Variants in SLC35F4 observed in about 807,000 individuals in gnomAD.
SLC35F4 encodes the protein chromosome 14 open reading frame 36.
A neutral mutation model predicts 44.2 loss-of-function variants in SLC35F4; 24 were observed. The ratio of observed to expected loss-of-function variants is 0.54; its 90% CI spans 0.39 to 0.76. SLC35F4 has a LOEUF of 0.76. Ranked by LOEUF, SLC35F4 falls within the 30% of genes least tolerant of loss-of-function variation. The pLI is 0.00. For synonymous variants in SLC35F4, 238 were observed against 223.6 expected (o/e 1.06, Z -0.57); for missense variants, 562 against 586.1 (o/e 0.96, Z 0.42).
intron 1 of SLC35F4, among the ~76,000 whole-genome samples, chr14:57,880,625 G>T (rs1480404234): frequency 6.6e-6 from 1 of 151,958 alleles, no homozygotes; most frequent in Non-Finnish European, 1.5e-5. Context: ...CAACATTTGG[G>T]CAATGACACT....
intron 1 of SLC35F4, among the ~76,000 whole-genome samples, chr14:57,636,262 C>A (rs759406819): frequency 2.6e-5 from 4 of 152,096 alleles, no homozygotes; most frequent in Non-Finnish European, 4.4e-5. Context: ...GTTTTCAGTA[C>A]GTTGGATTTG....
intron 6 of SLC35F4, among the ~76,000 whole-genome samples, chr14:57,567,432 C>CA (rs1237543178): frequency 1.3e-5 from 2 of 152,082 alleles, no homozygotes; most frequent in African/African-American, 4.8e-5. Context: ...TCTGCAGAAC[C>CA]AAAAAAAGTT....
At position 57,678,314 on chromosome 14, in the gene SLC35F4, G is replaced by A. The variant is rs373335219; in HGVS notation, c.104-84190C>T. Among the ~76,000 whole-genome samples the A allele has an allele frequency of 1.2e-4, 19 of 152,098 alleles. 1 individual carries two copies. The East Asian group carries it at 2.1e-3, about 17-fold the overall frequency. On this transcript the variant is annotated intron_variant, in intron 1 of 7. Transcript: ENST00000556826. ...AGAAATAAAATCCTTTACAGACAAG[G>A]AAATGCTGAGAGATTTTGTCACCAC...
At chr14:57,881,480 CTTA>C (rs1278995948) in intron 1 of SLC35F4, among the ~76,000 whole-genome samples, 1 of 152,058 alleles carries the variant, frequency 6.6e-6, no homozygotes, top group Non-Finnish European at 1.5e-5. Context: ...TGTTGTGCCT[CTTA>C]TATGTAAATG....
chr14:57,712,067 C>CA (rs747825568), intron 1 of SLC35F4, among the ~76,000 whole-genome samples: 24 of 152,182 alleles, frequency 1.6e-4, no homozygotes, highest in Non-Finnish European at 2.4e-4. Context: ...GGATTATTGT[C>CA]AATTGTCTCT....
At chr14:57,825,019 A>C (rs780766455) in intron 1 of SLC35F4, among the ~76,000 whole-genome samples, 20 of 152,116 alleles carry the variant, frequency 1.3e-4, no homozygotes, top group Non-Finnish European at 4.4e-5. Context: ...CAGGGGTAAA[A>C]AAAGACTTGA....
chr14:57,647,070 A>G (rs1205319541), intron 1 of SLC35F4, among the ~76,000 whole-genome samples: 3 of 152,202 alleles, frequency 2.0e-5, no homozygotes, highest in East Asian at 1.9e-4. Flanking sequence ...AATAGGTGTC[A>G]TGTGGTGCTG....
intron 1 of SLC35F4, among the ~76,000 whole-genome samples, chr14:57,965,481 A>G (rs1890422548): frequency 6.6e-6 from 1 of 152,168 alleles, no homozygotes; most frequent in Admixed American, 6.5e-5. Flanking sequence ...CTTTACATGT[A>G]AGATCACATA....
intron 1 of SLC35F4, among the ~76,000 whole-genome samples, chr14:57,940,727 A>C (rs1201728323): frequency 6.6e-6 from 1 of 152,072 alleles, no homozygotes; most frequent in Admixed American, 6.6e-5. Context: ...TTCTTCCATC[A>C]CAAGCAATGC....
chr14:57,609,136 A>T (rs886200347), intron 1 of SLC35F4, among the ~76,000 whole-genome samples: 1 of 152,230 alleles, frequency 6.6e-6, no homozygotes, highest in Non-Finnish European at 1.5e-5. Context: ...AGGGACAGAC[A>T]TGTATGCAGA....
chr14:57,704,512 C>T (rs964581087), intron 1 of SLC35F4, among the ~76,000 whole-genome samples: 1 of 152,012 alleles, frequency 6.6e-6, no homozygotes, highest in African/African-American at 2.4e-5. Context: ...CCTTTGAGGA[C>T]CCTATGGTTA....
intron 1 of SLC35F4, among the ~76,000 whole-genome samples, chr14:57,896,790 G>T (rs1888880787): frequency 6.6e-6 from 1 of 152,042 alleles, no homozygotes; most frequent in African/African-American, 2.4e-5. Flanking sequence ...ACAAATGTTT[G>T]TTTATGATTA....
chr14:57,747,395 A>G (rs945753717), intron 1 of SLC35F4, among the ~76,000 whole-genome samples: 8 of 152,186 alleles, frequency 5.3e-5, no homozygotes, highest in Non-Finnish European at 8.8e-5. Context: ...TGTCTTAAGT[A>G]TATTACTAAG....
chr14:57,741,554 G>T (rs2076609091), intron 1 of SLC35F4, among the ~76,000 whole-genome samples: 1 of 152,142 alleles, frequency 6.6e-6, no homozygotes, highest in Non-Finnish European at 1.5e-5. Flanking sequence ...AGAGTAAAAA[G>T]AAATGAACAA....
At chr14:57,611,591 A>AAC (rs59957129) in intron 1 of SLC35F4, among the ~76,000 whole-genome samples, 44,165 of 151,292 alleles carry the variant, frequency 0.29, 7,742 homozygotes, top group Middle Eastern at 0.38. Context: ...GAGTTAAAAA[A>AAC]AAAAAAACAA....
At chr14:57,914,191 A>G (rs1200639498) in intron 1 of SLC35F4, among the ~76,000 whole-genome samples, 1 of 152,208 alleles carries the variant, frequency 6.6e-6, no homozygotes, top group Non-Finnish European at 1.5e-5. Context: ...GTCACAGGTC[A>G]TCCCGTGGTG....
chr14:57,731,872 G>A (rs1455402008), intron 1 of SLC35F4, among the ~76,000 whole-genome samples: 1 of 152,150 alleles, frequency 6.6e-6, no homozygotes, highest in Admixed American at 6.5e-5. Flanking sequence ...AAAGCTACAA[G>A]TCTGCAGATA....
At chr14:57,757,542 ATTTGTT>A (rs1357310122) in intron 1 of SLC35F4, among the ~76,000 whole-genome samples, 1 of 118,302 alleles carries the variant, frequency 8.5e-6, no homozygotes, top group Non-Finnish European at 2.1e-5. Flanking sequence ...TGTTTTACTT[ATTTGTT>A]TTTATCAGTT....
At chr14:57,667,701 A>T (rs574323719) in intron 1 of SLC35F4, among the ~76,000 whole-genome samples, 1 of 151,790 alleles carries the variant, frequency 6.6e-6, no homozygotes, top group Non-Finnish European at 1.5e-5. Flanking sequence ...TCCATGGTGT[A>T]TATGTGCCAC....
Sources: allele counts gnomAD v4.1 joint callset (sites outside exome capture counted in the v4.1 genomes callset), GRCh38; gene constraint gnomAD v4.1.1; transcripts MANE v1.5; gene names NCBI Gene and HGNC (gene_info 2026-07-23, HGNC 2026-07-21).